Variants in FAM13C observed in about 807,000 individuals in gnomAD.
The protein encoded by FAM13C is family with sequence similarity 13 member C, also known as protein FAM13C.
A neutral mutation model predicts 73.2 loss-of-function variants in FAM13C; 37 were observed. The observed-to-expected ratio is 0.51, with a 90% CI of 0.39 to 0.67. The LOEUF is 0.67. Among genes scored for constraint, FAM13C ranks in the 30% least tolerant of loss-of-function variants. The probability of loss-of-function intolerance (pLI) is 0.00; values close to 1 mark genes in which losing one functional copy is unlikely to be tolerated. For synonymous variants in FAM13C, 246 were observed against 260.9 expected (o/e 0.94, Z 0.55); for missense variants, 589 against 715.6 (o/e 0.82, Z 2.02).
Position 59,247,655 on chromosome 10 carries a change from C to G in FAM13C, c.1717G>C (p.Glu573Gln), listed in dbSNP as rs940782902. 1.9e-6 allele frequency: 3 copies of G among 1,613,382 alleles called. No individual in the cohort carries two copies. The African/African-American group carries it at 4.0e-5, about 22-fold the overall frequency. Reference sequence around the variant, plus strand: ...ACATCTTGCTTGCTGATGAGGACCTCTAATAGTCTCAGTTTGGCTTTTATG... The same window carrying G: ...ACATCTTGCTTGCTGATGAGGACCTGTAATAGTCTCAGTTTGGCTTTTATG... The part of the protein sequence containing the change: ...KHIKAKLRLL[E>Q]VLISKQDVAK... The change falls in exon 14 of 14, where the codon GAG (glutamate) becomes CAG (glutamine). Residue 573 changes from glutamate (E) to glutamine (Q), a missense_variant. Coordinates refer to ENST00000618804, the MANE Select transcript of FAM13C (RefSeq NM_198215.4).
intron 1 of FAM13C, 113 bp downstream of exon 1, chr10:59,362,286 G>A: frequency 2.1e-6 from 3 of 1,420,422 alleles, no homozygotes; most frequent in East Asian, 5.0e-5. Context: ...CCAGATTCCG[G>A]GAGACAATGC....
intron 6 of FAM13C, among the ~76,000 whole-genome samples, chr10:59,275,403 G>A (rs1844213233): frequency 6.6e-6 from 1 of 152,106 alleles, no homozygotes; most frequent in African/African-American, 2.4e-5. Flanking sequence ...GGGCCTGGGA[G>A]GCATCAAGAG....
intron 10 of FAM13C, among the ~76,000 whole-genome samples, chr10:59,260,221 C>A (rs1842364247): frequency 6.6e-6 from 1 of 152,168 alleles, no homozygotes; most frequent in Non-Finnish European, 1.5e-5. Context: ...CCTTTTCATT[C>A]TTTTCCCCTG....
At chr10:59,280,571 G>A (rs903317990) in intron 6 of FAM13C, among the ~76,000 whole-genome samples, 3 of 152,158 alleles carry the variant, frequency 2.0e-5, no homozygotes, top group African/African-American at 7.2e-5. Context: ...TTATTCAGGA[G>A]GGTTTATGAA....
intron 6 of FAM13C, among the ~76,000 whole-genome samples, chr10:59,276,714 C>A (rs1844357067): frequency 2.0e-5 from 3 of 152,132 alleles, no homozygotes; most frequent in Admixed American, 2.0e-4. Flanking sequence ...TTTTACATTT[C>A]AGAAATGACA....
chr10:59,316,819 G>A (rs192566917), intron 4 of FAM13C, among the ~76,000 whole-genome samples: 120 of 152,222 alleles, frequency 7.9e-4, no homozygotes, highest in African/African-American at 2.4e-3. Flanking sequence ...CAGCCATTAC[G>A]TATGTTATAG....
At chr10:59,347,520 T>C (rs1839536) in intron 3 of FAM13C, among the ~76,000 whole-genome samples, 82,698 of 144,890 alleles carry the variant, frequency 0.57, 23,609 homozygotes, top group Non-Finnish European at 0.65. Context: ...CCACACCTAT[T>C]TTTTTTTTTA....
intron 3 of FAM13C, among the ~76,000 whole-genome samples, chr10:59,328,122 G>T (rs1226258382): frequency 6.6e-6 from 1 of 152,146 alleles, no homozygotes; most frequent in East Asian, 1.9e-4. Flanking sequence ...GTGATTTGTT[G>T]GTTCTCTGCC....
chr10:59,246,795 A>G lies in FAM13C; in HGVS notation c.*819T>C. Reference sequence around the variant, plus strand: ...TTCCCAATGAAAAAATAGTTATATCATCTTATAGTAAACCAAAAGATTAGC... The same window carrying G: ...TTCCCAATGAAAAAATAGTTATATCGTCTTATAGTAAACCAAAAGATTAGC... On this transcript the variant is annotated 3_prime_UTR_variant, in exon 14 of 14. Coordinates refer to ENST00000618804, the MANE Select transcript of FAM13C (RefSeq NM_198215.4). The G allele has an allele frequency of 2.5e-6, 1 of 392,314 alleles. No homozygotes were observed. Among genetic ancestry groups the G allele is most frequent in the Non-Finnish European group, 4.5e-6 (1 of 222,084 alleles). The allele number at this position is 392,314 out of a possible 1,614,324, so 24.3% of individuals were successfully genotyped here.
chr10:59,304,795 GAA>G (rs1848021404), intron 4 of FAM13C, among the ~76,000 whole-genome samples: 2 of 104,824 alleles, frequency 1.9e-5, no homozygotes, highest in African/African-American at 3.5e-5. Flanking sequence ...GAAGGGAAGG[GAA>G]GGGAAGGGAA....
At chr10:59,354,190 C>T (rs886563060) in intron 2 of FAM13C, among the ~76,000 whole-genome samples, 1 of 152,096 alleles carries the variant, frequency 6.6e-6, no homozygotes, top group African/African-American at 2.4e-5. Context: ...AATACCTGAA[C>T]TTTGTTTTTA....
At chr10:59,309,548 C>T (rs1247743515) in intron 4 of FAM13C, among the ~76,000 whole-genome samples, 2 of 152,160 alleles carry the variant, frequency 1.3e-5, no homozygotes, top group Non-Finnish European at 2.9e-5. Flanking sequence ...CAGCGCAGGC[C>T]TTCACATGTG....
intron 9 of FAM13C, 178 bp downstream of exon 9, chr10:59,263,907 T>C: frequency 5.0e-6 from 3 of 603,462 alleles, no homozygotes; most frequent in South Asian, 3.9e-5. Context: ...GTTTATTACA[T>C]GGGGCCAAAC....
chr10:59,269,984 G>A lies in FAM13C; in HGVS notation c.718C>T (p.Arg240Ter), dbSNP rs1444709447. ...TDGDNPLLSP[R>*]CSIFSQSQRF... ...TGGCTTTGGCTGAAGATGGAGCATC[G>A]TGGCGACAGCAGTGGGTTATCACCA... Residue 240 changes from arginine to a stop codon, truncating the protein, a stop_gained, in exon 7 of 14, where the codon CGA becomes TGA. Coordinates refer to ENST00000618804, the MANE Select transcript of FAM13C (RefSeq NM_198215.4). LOFTEE classifies it high-confidence loss of function. The A allele has an allele frequency of 5.0e-6, 8 of 1,614,018 alleles. No individual in the cohort carries two copies. The highest frequency in any genetic ancestry group is 2.2e-5 in the South Asian group (2 of 91,088).
rs184673271 is a variant in FAM13C at position 59,358,394 on chromosome 10, C to T, written c.63-2451G>A. Among the ~76,000 whole-genome samples, 425 of 152,240 alleles carry T rather than the reference C, an allele frequency of 2.8e-3. 3 individuals carry two copies. Among genetic ancestry groups the T allele is most frequent in the Non-Finnish European group, 4.8e-3 (326 of 68,012 alleles). ...CTCTGTCTCATAAAAAAAAATGCTGCTTTGACTAGAATAAACCAACCTTCT... is the reference window on the plus strand; with the variant it reads ...CTCTGTCTCATAAAAAAAAATGCTGTTTTGACTAGAATAAACCAACCTTCT... On this transcript the variant is annotated intron_variant, in intron 1 of 13. Coordinates refer to ENST00000618804, the MANE Select transcript of FAM13C (RefSeq NM_198215.4).
intron 6 of FAM13C, among the ~76,000 whole-genome samples, chr10:59,272,796 A>T (rs2133584731): frequency 2.6e-5 from 4 of 152,326 alleles, no homozygotes; most frequent in African/African-American, 9.6e-5. Context: ...TTGTGTCAAT[A>T]CAGTAGTCAC....
chr10:59,255,090 A>G (rs540330603), intron 10 of FAM13C, among the ~76,000 whole-genome samples: 3 of 152,146 alleles, frequency 2.0e-5, no homozygotes, highest in Non-Finnish European at 4.4e-5. Context: ...TGAAACATGT[A>G]TTTTATCTAG....
intron 3 of FAM13C, among the ~76,000 whole-genome samples, chr10:59,328,381 G>C (rs1358816806): frequency 6.6e-6 from 1 of 152,190 alleles, no homozygotes; most frequent in Non-Finnish European, 1.5e-5. Context: ...AGTGAGTTCA[G>C]CTGACTCTTG....
intron 1 of FAM13C, among the ~76,000 whole-genome samples, chr10:59,356,445 C>A (rs1347508987): frequency 1.3e-5 from 2 of 152,106 alleles, no homozygotes; most frequent in Admixed American, 6.5e-5. Flanking sequence ...ATGAAAAATT[C>A]TTGTCTCTTC....
Sources: allele counts gnomAD v4.1 joint callset (sites outside exome capture counted in the v4.1 genomes callset), GRCh38; gene constraint gnomAD v4.1.1; transcripts MANE v1.5; gene names NCBI Gene and HGNC (gene_info 2026-07-23, HGNC 2026-07-21).